Variants in RDH12 observed in about 807,000 individuals in gnomAD.
The protein encoded by RDH12 is all-trans and 9-cis retinol dehydrogenase.
Under a neutral mutation model 34.0 loss-of-function variants are expected in RDH12, and 21 were observed. The ratio of observed to expected loss-of-function variants is 0.62; its 90% CI spans 0.44 to 0.89. The LOEUF (loss-of-function observed/expected upper bound fraction) is 0.89, where lower values mean the gene tolerates loss of function less well. RDH12 is among the 40% of genes least tolerant of loss of function. RDH12 has a pLI of 0.00. For synonymous variants in RDH12, 198 were observed against 169.9 expected (o/e 1.17, Z -1.29); for missense variants, 394 against 398.6 (o/e 0.99, Z 0.10).
chr14:67,709,414 C>T (rs1279097330), intron 1 of RDH12, among the ~76,000 whole-genome samples: 1 of 152,198 alleles, frequency 6.6e-6, no homozygotes, highest in Non-Finnish European at 1.5e-5. Context: ...TAAGATATAA[C>T]TTTCATAAGC....
At chr14:67,725,044 C>T in intron 4 of RDH12, 55 bp from the exon 5 acceptor site, 3 of 1,595,370 alleles carry the variant, frequency 1.9e-6, no homozygotes, top group East Asian at 2.2e-5. Flanking sequence ...ACTTACTATA[C>T]CTCCTTTATA....
chr14:67,713,277 C>CA (rs201600760), intron 1 of RDH12, among the ~76,000 whole-genome samples: 1,710 of 148,692 alleles, frequency 0.012, 56 homozygotes, highest in East Asian at 0.1. Flanking sequence ...AAAAACAAAA[C>CA]AAAAAAAAAC....
intron 2 of RDH12, 67 bp from the exon 3 acceptor site, chr14:67,722,357 C>T (rs889771117): frequency 1.3e-4 from 71 of 530,458 alleles, no homozygotes; most frequent in Admixed American, 1.1e-3. Context: ...GCTTTAGTTT[C>T]CCCACATTCT....
chr14:67,727,436 G>T, intron 7 of RDH12: 4 of 432,956 alleles, frequency 9.2e-6, no homozygotes, highest in East Asian at 4.7e-5. Context: ...TATCTCATTT[G>T]ATTTTCACAG....
intron 1 of RDH12, among the ~76,000 whole-genome samples, chr14:67,704,117 A>T (rs965892809): frequency 2.0e-5 from 3 of 152,116 alleles, no homozygotes; most frequent in Non-Finnish European, 2.9e-5. Flanking sequence ...CTTGTTTTAA[A>T]TTTAAATATA....
Position 67,715,678 on chromosome 14 carries a change from G to C in RDH12, c.-274-5170G>C, listed in dbSNP as rs1476860910. 2.0e-5 allele frequency among the ~76,000 whole-genome samples: 3 copies of C among 152,132 alleles called. No homozygotes were observed. In the East Asian group the frequency reaches 5.8e-4, roughly 29 times the overall value. On this transcript the variant is annotated intron_variant, in intron 1 of 8. Coordinates refer to ENST00000551171, the MANE Select transcript of RDH12 (RefSeq NM_152443.3). ...TTTTGTAAGTATCTTCTGAAGGAGT[G>C]ACTCACCATTTACTTCTATTGGAAT...
At chr14:67,715,480 C>T (rs989693930) in intron 1 of RDH12, among the ~76,000 whole-genome samples, 1 of 152,234 alleles carries the variant, frequency 6.6e-6, no homozygotes, top group African/African-American at 2.4e-5. Context: ...TTGGCAGAAG[C>T]TTTGCACAGC....
chr14:67,704,820 G>A (rs1485854783), intron 1 of RDH12, among the ~76,000 whole-genome samples: 1 of 152,158 alleles, frequency 6.6e-6, no homozygotes, highest in Non-Finnish European at 1.5e-5. Flanking sequence ...ATTGTACCAC[G>A]TAGCCAAGGA....
At chr14:67,718,784 G>A (rs2038093648) in intron 1 of RDH12, among the ~76,000 whole-genome samples, 1 of 152,196 alleles carries the variant, frequency 6.6e-6, no homozygotes, top group Non-Finnish European at 1.5e-5. Context: ...TTACAATGAT[G>A]AAGTGGGTGA....
chr14:67,728,048 T>A (rs2038213227), intron 7 of RDH12: 1 of 152,242 alleles, frequency 6.6e-6, no homozygotes. Flanking sequence ...CTCCCCTGAC[T>A]TCATCTTCTC....
At chr14:67,719,924 T>C (rs1166243777) in intron 1 of RDH12, among the ~76,000 whole-genome samples, 2 of 152,214 alleles carry the variant, frequency 1.3e-5, no homozygotes, top group African/African-American at 4.8e-5. Context: ...TAATATACAA[T>C]GCTATAATGG....
chr14:67,731,207 CTTTTTTT>C (rs71129853), intron 8 of RDH12, among the ~76,000 whole-genome samples: 110 of 90,610 alleles, frequency 1.2e-3, no homozygotes, highest in African/African-American at 5.1e-3. Flanking sequence ...TTCTTTCTTT[CTTTTTTT>C]TTTTTTTTTT....
intron 1 of RDH12, among the ~76,000 whole-genome samples, chr14:67,713,424 A>AAT (rs2038032941): frequency 1.7e-5 from 2 of 120,540 alleles, no homozygotes; most frequent in Non-Finnish European, 3.5e-5. Context: ...AAAAAAAAAA[A>AAT]GAGGGGATGT....
At chr14:67,727,741 G>C (rs145084569) in intron 7 of RDH12, 1 of 177,600 alleles carries the variant, frequency 5.6e-6, no homozygotes, top group African/African-American at 2.4e-5. Flanking sequence ...AGAGGCCTTT[G>C]GTAACAGGTA....
chr14:67,712,200 G>A lies in RDH12; in HGVS notation c.-274-8648G>A, dbSNP rs373748307. Reference sequence around the variant, plus strand: ...CTCCCAAAGTGTTGGGATTACAGGCGTGAACCACCACACCCGGCCTGGGAC... The same window carrying A: ...CTCCCAAAGTGTTGGGATTACAGGCATGAACCACCACACCCGGCCTGGGAC... On this transcript the variant is annotated intron_variant, in intron 1 of 8. Coordinates refer to ENST00000551171, the MANE Select transcript of RDH12 (RefSeq NM_152443.3). 8.5e-4 allele frequency among the ~76,000 whole-genome samples: 130 copies of A among 152,158 alleles called. 1 individual carries two copies. Among genetic ancestry groups the A allele is most frequent in the African/African-American group, 1.4e-3 (58 of 41,504 alleles).
chr14:67,720,579 C>G (rs2038113623), intron 1 of RDH12, among the ~76,000 whole-genome samples: 1 of 152,190 alleles, frequency 6.6e-6, no homozygotes, highest in African/African-American at 2.4e-5. Flanking sequence ...AATCATCTGT[C>G]CCTTCCACTG....
At chr14:67,730,349 G>T (rs899915316) in intron 8 of RDH12, among the ~76,000 whole-genome samples, 1 of 152,172 alleles carries the variant, frequency 6.6e-6, no homozygotes, top group African/African-American at 2.4e-5. Context: ...GGCTAGTCCA[G>T]ATTGAGATGC....
In RDH12 at chr14:67,729,218, A is replaced by C. The variant is rs761136307; in HGVS notation, c.686A>C (p.His229Pro). 6.2e-7 allele frequency: 1 copy of C among 1,612,186 alleles called. No individual in the cohort carries two copies. The highest frequency in any genetic ancestry group is 1.1e-5 in the South Asian group (1 of 91,042). The stretch of plus-strand genomic sequence containing the variant: ...ACCGGGGTCACCACCTACGCAGTGC[A>C]CCCAGGCGTCGTCCGCTCTGAGCTG... ...QGTGVTTYAV[H>P]PGVVRSELVR... is the part of the protein sequence containing the mutation. Residue 229 changes from histidine (H) to proline (P), a missense_variant, in exon 8 of 9, where the codon CAC becomes CCC. Physicochemically the swap from His to Pro is moderately conservative, Grantham distance 77. Transcript: ENST00000551171.
At chr14:67,710,518 CA>C (rs2037998847) in intron 1 of RDH12, among the ~76,000 whole-genome samples, 1 of 152,100 alleles carries the variant, frequency 6.6e-6, no homozygotes, top group African/African-American at 2.4e-5. Flanking sequence ...CCAGTCATGT[CA>C]TTTTACTCTA....
Sources: gnomAD v4.1 joint callset for allele counts (sites outside exome capture counted in the v4.1 genomes callset) on GRCh38, gnomAD v4.1.1 for gene constraint, MANE v1.5 for transcripts, NCBI Gene and HGNC (gene_info 2026-07-23, HGNC 2026-07-21) for gene names.